The following NT5M variants were observed in gnomAD, a reference collection of about 807,000 sequenced individuals.
The protein encoded by NT5M is 5'(3')-deoxyribonucleotidase, mitochondrial.
NT5M carries 22 observed loss-of-function variants against 22.2 expected under a neutral mutation model. The ratio of observed to expected loss-of-function variants is 0.99; its 90% CI spans 0.71 to 1.41. The LOEUF is 1.41. NT5M is among the 40% of genes most tolerant of loss of function. The pLI is 0.00. For synonymous variants in NT5M, 167 were observed against 133.0 expected (o/e 1.26, Z -1.76); for missense variants, 322 against 314.8 (o/e 1.02, Z -0.17).
At chr17:17,338,876 G>A (rs1328909203) in intron 3 of NT5M, among the ~76,000 whole-genome samples, 2 of 151,706 alleles carry the variant, frequency 1.3e-5, no homozygotes, top group Middle Eastern at 3.4e-3. Context: ...ACAGGCGCCC[G>A]CCACCACGCC....
At chr17:17,342,260 G>A (rs893561486) in intron 3 of NT5M, among the ~76,000 whole-genome samples, 7 of 152,148 alleles carry the variant, frequency 4.6e-5, no homozygotes, top group Admixed American at 4.6e-4. Flanking sequence ...AGCCCACTTT[G>A]TTTTGCCGTT....
At chr17:17,324,064 G>A (rs571897743) in intron 3 of NT5M, among the ~76,000 whole-genome samples, 13 of 151,958 alleles carry the variant, frequency 8.6e-5, no homozygotes, top group East Asian at 7.9e-4. Context: ...TAGTAGAGAC[G>A]GGGTTTTGCC....
chr17:17,308,989 G>A (rs2048868178), intron 2 of NT5M, among the ~76,000 whole-genome samples: 2 of 152,114 alleles, frequency 1.3e-5, no homozygotes, highest in African/African-American at 4.8e-5. Flanking sequence ...TCTAATGTAT[G>A]GACTACATGT....
At chr17:17,310,512 A>T (rs1339122125) in intron 2 of NT5M, among the ~76,000 whole-genome samples, 3 of 152,206 alleles carry the variant, frequency 2.0e-5, no homozygotes. Flanking sequence ...ATTTCTTTAA[A>T]GAAAATTTAG....
At chr17:17,338,079 C>T (rs912279304) in intron 3 of NT5M, among the ~76,000 whole-genome samples, 1 of 152,140 alleles carries the variant, frequency 6.6e-6, no homozygotes, top group Non-Finnish European at 1.5e-5. Context: ...TATGGATATC[C>T]AGTTTTCCAG....
At chr17:17,325,843 C>A (rs2049255330) in intron 3 of NT5M, among the ~76,000 whole-genome samples, 1 of 152,196 alleles carries the variant, frequency 6.6e-6, no homozygotes. Flanking sequence ...AGAAGTCTCC[C>A]CACATTTCGT....
At chr17:17,321,411 T>C (rs1276041516) in intron 2 of NT5M, among the ~76,000 whole-genome samples, 1 of 147,874 alleles carries the variant, frequency 6.8e-6, no homozygotes, top group Non-Finnish European at 1.5e-5. Flanking sequence ...GAGAAGGGAG[T>C]GGTGTGGCTT....
At chr17:17,328,376 A>G (rs901313850) in intron 3 of NT5M, among the ~76,000 whole-genome samples, 2 of 152,174 alleles carry the variant, frequency 1.3e-5, no homozygotes, top group African/African-American at 4.8e-5. Context: ...CCCTAGAACT[A>G]AGACAAGGGG....
At chr17:17,346,617 G>A (rs957893038) in intron 4 of NT5M, among the ~76,000 whole-genome samples, 188 bp from the exon 5 acceptor site, 21 of 152,198 alleles carry the variant, frequency 1.4e-4, no homozygotes, top group African/African-American at 5.1e-4. Flanking sequence ...GCGTGCTGAC[G>A]GCCTCCTTGC....
chr17:17,323,633 A>G (rs2049202150), intron 3 of NT5M, among the ~76,000 whole-genome samples: 1 of 152,210 alleles, frequency 6.6e-6, no homozygotes, highest in African/African-American at 2.4e-5. Flanking sequence ...GAGTTGCATG[A>G]AATTGAGACC....
rs542458276 is a variant in NT5M at position 17,341,904 on chromosome 17, G to C, written c.430-2890G>C. 5.7e-4 allele frequency among the ~76,000 whole-genome samples: 87 copies of C among 152,184 alleles called. No individual in the cohort carries two copies. The Middle Eastern group carries it at 0.01, about 18-fold the overall frequency. On this transcript the variant is annotated intron_variant, in intron 3 of 4. Transcript: ENST00000389022. ...AACTTAGCCAGGCATGGTGGCAGGC[G>C]CCTGTGATCCCAGCTACTTGGGAAG...
chr17:17,318,305 C>T (rs937421324), intron 2 of NT5M, among the ~76,000 whole-genome samples: 4 of 150,830 alleles, frequency 2.7e-5, no homozygotes, highest in Non-Finnish European at 4.4e-5. Flanking sequence ...GGCGAAACCC[C>T]GTCTCTACTA....
intron 3 of NT5M, among the ~76,000 whole-genome samples, chr17:17,326,073 T>G (rs1305006718): frequency 1.3e-5 from 2 of 152,202 alleles, no homozygotes; most frequent in Non-Finnish European, 2.9e-5. Flanking sequence ...TGTTGTTAAA[T>G]GAGTAGATTC....
rs1597809716 is a variant in NT5M, at chr17:17,347,141, G to T, written c.*194G>T. The T allele has an allele frequency of 8.3e-6, 6 of 723,458 alleles. No homozygotes were observed. The East Asian group carries it at 1.7e-4, about 20-fold the overall frequency. The allele number at this position is 723,458 out of a possible 1,614,324, so 44.8% of individuals were successfully genotyped here. ...CACGGGGCAGGGCTGGGCCCTCTGGGCGCTTGGACATAGACACGTGGTCCC... is the reference window on the plus strand; with the variant it reads ...CACGGGGCAGGGCTGGGCCCTCTGGTCGCTTGGACATAGACACGTGGTCCC... On this transcript the variant is annotated 3_prime_UTR_variant, in exon 5 of 5. Coordinates refer to ENST00000389022, the MANE Select transcript of NT5M (RefSeq NM_020201.4).
chr17:17,312,073 A>G (rs757017639), intron 2 of NT5M, among the ~76,000 whole-genome samples: 12 of 152,226 alleles, frequency 7.9e-5, no homozygotes, highest in Non-Finnish European at 1.3e-4. Context: ...CAGGCAAGTT[A>G]TTAAACTTTC....
intron 1 of NT5M, among the ~76,000 whole-genome samples, chr17:17,306,004 T>C (rs2048792910): frequency 6.6e-6 from 1 of 152,146 alleles, no homozygotes; most frequent in African/African-American, 2.4e-5. Context: ...AATGTACTTA[T>C]TGGCACCTCA....
intron 3 of NT5M, among the ~76,000 whole-genome samples, chr17:17,323,600 A>G (rs2049201342): frequency 6.6e-6 from 1 of 152,226 alleles, no homozygotes; most frequent in Admixed American, 6.5e-5. Flanking sequence ...TACTCACTTT[A>G]TTATCTTTAT....
At chr17:17,338,113 G>A (rs548442591) in intron 3 of NT5M, among the ~76,000 whole-genome samples, 92 of 151,712 alleles carry the variant, frequency 6.1e-4, no homozygotes, top group African/African-American at 1.9e-3. Context: ...AGAGACTGTC[G>A]TTTCCCCAAT....
chr17:17,329,257 C>T (rs999706494), intron 3 of NT5M, among the ~76,000 whole-genome samples: 1 of 152,182 alleles, frequency 6.6e-6, no homozygotes, highest in Non-Finnish European at 1.5e-5. Context: ...GGATTACAGG[C>T]GTGAGCCGCA....
Sources: allele counts gnomAD v4.1 joint callset (sites outside exome capture counted in the v4.1 genomes callset), GRCh38; gene constraint gnomAD v4.1.1; transcripts MANE v1.5; gene names NCBI Gene and HGNC (gene_info 2026-07-23, HGNC 2026-07-21).